Variants in VAV3 observed in about 807,000 individuals in gnomAD.
VAV3 encodes the protein guanine nucleotide exchange factor VAV3.
A neutral mutation model predicts 131.2 loss-of-function variants in VAV3; 94 were observed. The observed-to-expected ratio is 0.72, with a 90% CI of 0.61 to 0.85. The LOEUF (loss-of-function observed/expected upper bound fraction) is 0.85, where lower values mean the gene tolerates loss of function less well. Ranked by LOEUF, VAV3 falls within the 40% of genes least tolerant of loss-of-function variation. The pLI, the probability that VAV3 is intolerant of heterozygous loss-of-function variation, is 0.00. For synonymous variants in VAV3, 349 were observed against 342.0 expected, an observed-to-expected ratio of 1.02 and a Z score of -0.22; for missense variants, 939 against 1,002.7, an observed-to-expected ratio of 0.94 and a Z score of 0.86.
intron 20 of VAV3, among the ~76,000 whole-genome samples, chr1:107,640,272 C>A (rs1215329952): frequency 6.6e-6 from 1 of 151,986 alleles, no homozygotes; most frequent in Non-Finnish European, 1.5e-5. Context: ...ACACATGGAA[C>A]GATAATCAGC....
At chr1:107,677,486 G>A (rs1315124377) in intron 19 of VAV3, among the ~76,000 whole-genome samples, 1 of 152,052 alleles carries the variant, frequency 6.6e-6, no homozygotes, top group African/African-American at 2.4e-5. Flanking sequence ...AAATGGAATG[G>A]TATTCAACCA....
intron 10 of VAV3, 72 bp downstream of exon 10, chr1:107,760,712 G>T: frequency 8.4e-7 from 1 of 1,188,064 alleles, no homozygotes; most frequent in Admixed American, 1.8e-5. Context: ...TATCTGCAAT[G>T]TAGTTGATGC....
intron 2 of VAV3, among the ~76,000 whole-genome samples, chr1:107,857,890 C>A (rs1392867109): frequency 6.6e-6 from 1 of 151,990 alleles, no homozygotes; most frequent in Non-Finnish European, 1.5e-5. Flanking sequence ...GGTATATGGA[C>A]TACATGGGAA....
chr1:107,782,194 G>A (rs967351553), intron 2 of VAV3, among the ~76,000 whole-genome samples: 3 of 152,000 alleles, frequency 2.0e-5, no homozygotes, highest in African/African-American at 7.3e-5. Flanking sequence ...TTTTATTATT[G>A]CTATTCTATT....
chr1:107,711,949 G>C (rs1260458070), intron 15 of VAV3, among the ~76,000 whole-genome samples: 1 of 152,100 alleles, frequency 6.6e-6, no homozygotes, highest in African/African-American at 2.4e-5. Context: ...GCCTCCCAAA[G>C]TGCTGGCATT....
At chr1:107,843,050 T>C (rs1012860786) in intron 2 of VAV3, among the ~76,000 whole-genome samples, 1 of 152,112 alleles carries the variant, frequency 6.6e-6, no homozygotes, top group African/African-American at 2.4e-5. Context: ...GTTCCACTTG[T>C]TCCTGAAGTC....
At chr1:107,704,684 C>A in intron 16 of VAV3, 34 bp from the exon 17 acceptor site, 1 of 1,553,420 alleles carries the variant, frequency 6.4e-7, no homozygotes, top group Non-Finnish European at 8.9e-7. Context: ...GTATATTAAA[C>A]GGTGCAAAAT....
intron 20 of VAV3, among the ~76,000 whole-genome samples, chr1:107,628,224 T>A (rs1476959440): frequency 6.6e-6 from 1 of 152,174 alleles, no homozygotes; most frequent in Non-Finnish European, 1.5e-5. Context: ...AAGATCCCCC[T>A]AATCAGCCCT....
chr1:107,822,479 C>T (rs765525006), intron 2 of VAV3, among the ~76,000 whole-genome samples: 113 of 151,792 alleles, frequency 7.4e-4, no homozygotes, highest in Non-Finnish European at 1.4e-3. Context: ...ATGGTGAAAT[C>T]CCGTCTCTAT....
At chr1:107,708,214 G>A (rs180781773) in intron 15 of VAV3, among the ~76,000 whole-genome samples, 3 of 152,206 alleles carry the variant, frequency 2.0e-5, no homozygotes, top group Non-Finnish European at 2.9e-5. Flanking sequence ...AAAAAGTTCT[G>A]CTGCTACTAC....
intron 20 of VAV3, among the ~76,000 whole-genome samples, chr1:107,630,904 T>A (rs1403068030): frequency 6.6e-6 from 1 of 152,176 alleles, no homozygotes; most frequent in Non-Finnish European, 1.5e-5. Context: ...ATTACGCCAT[T>A]GAGTAAGTAC....
chr1:107,927,615 C>A (rs1479647263), intron 1 of VAV3, among the ~76,000 whole-genome samples: 2 of 152,022 alleles, frequency 1.3e-5, no homozygotes, highest in African/African-American at 4.8e-5. Flanking sequence ...AGCCCTTGGC[C>A]CTTAAGAAAA....
chr1:107,772,050 C>G (rs1665079061), intron 5 of VAV3, among the ~76,000 whole-genome samples: 1 of 152,152 alleles, frequency 6.6e-6, no homozygotes, highest in Non-Finnish European at 1.5e-5. Context: ...ACAAAAATTA[C>G]CAAGCAGCTG....
intron 17 of VAV3, among the ~76,000 whole-genome samples, chr1:107,690,598 C>T (rs909312026): frequency 1.3e-5 from 2 of 152,158 alleles, no homozygotes; most frequent in African/African-American, 4.8e-5. Context: ...TATTTCCTCC[C>T]TTGTCATTGT....
intron 25 of VAV3, among the ~76,000 whole-genome samples, chr1:107,577,721 T>C (rs1291510953): frequency 2.0e-5 from 3 of 152,174 alleles, no homozygotes; most frequent in Non-Finnish European, 4.4e-5. Context: ...TGGTGGAGCA[T>C]GAGCCTGAAA....
intron 19 of VAV3, among the ~76,000 whole-genome samples, chr1:107,654,890 T>C (rs777433556): frequency 2.1e-4 from 32 of 151,864 alleles, no homozygotes; most frequent in Admixed American, 6.6e-4. Context: ...TCTAAAAGTA[T>C]AATAAAAATA....
intron 1 of VAV3, among the ~76,000 whole-genome samples, chr1:107,917,398 A>G (rs80227161): frequency 1.3e-5 from 2 of 152,280 alleles, no homozygotes; most frequent in African/African-American, 4.8e-5. Context: ...AATTTTATAG[A>G]TAAGGGAACT....
intron 15 of VAV3, among the ~76,000 whole-genome samples, chr1:107,739,648 T>G (rs1485064528): frequency 6.6e-6 from 1 of 152,138 alleles, no homozygotes; most frequent in Non-Finnish European, 1.5e-5. Context: ...AGAAAATAAT[T>G]TCTCAACAAA....
At chr1:107,898,894 AAAT>A (rs946090284) in intron 1 of VAV3, among the ~76,000 whole-genome samples, 6 of 152,230 alleles carry the variant, frequency 3.9e-5, no homozygotes, top group Admixed American at 3.9e-4. Flanking sequence ...CATTCTAAAA[AAAT>A]AATAATGTCT....
Sources: allele counts gnomAD v4.1 joint callset (sites outside exome capture counted in the v4.1 genomes callset), GRCh38; gene constraint gnomAD v4.1.1; transcripts MANE v1.5; gene names NCBI Gene and HGNC (gene_info 2026-07-23, HGNC 2026-07-21).